FOXM1: variants seen among roughly 807,000 people sequenced by gnomAD.
FOXM1 encodes forkhead box protein M1.
A neutral mutation model predicts 63.6 loss-of-function variants in FOXM1; 25 were observed. The ratio of observed to expected loss-of-function variants is 0.39; its 90% CI spans 0.29 to 0.55. FOXM1 has a LOEUF of 0.55. Ranked by LOEUF, FOXM1 falls within the 20% of genes least tolerant of loss-of-function variation. FOXM1 has a pLI of 0.60. For synonymous variants in FOXM1, 387 were observed against 376.9 expected (o/e 1.03, Z -0.31); for missense variants, 879 against 958.7 (o/e 0.92, Z 1.10).
At position 2,864,360 on chromosome 12, in the gene FOXM1, T is replaced by C. The variant is rs199742628; in HGVS notation, c.1226A>G (p.Glu409Gly). Residue 409 changes from glutamate (E) to glycine (G), a missense_variant, in exon 8 of 9, where the codon GAG (glutamate) becomes GGG (glycine). Glu to Gly is a moderately conservative substitution (Grantham distance 98, BLOSUM62 -2). Transcript: ENST00000359843. This position sits in a 1 kb window ranked among gnomAD's most constrained non-coding sequence, Gnocchi z 5.1. The stretch of plus-strand genomic sequence containing the variant: ...GACTCGCTTGCTATGGCGGGCAAGC[T>C]CTGAGCTCATGAGGGAAGCCGCCAG... ...LPLAASLMSS[E>G]LARHSKRVRI... 3.6e-5 allele frequency: 58 copies of C among 1,613,674 alleles called. No homozygotes were observed. Among genetic ancestry groups the C allele is most frequent in the Non-Finnish European group, 4.7e-5 (55 of 1,179,782 alleles).
At position 2,874,459 on chromosome 12, in the gene FOXM1, C is replaced by T. The variant is rs761715940; in HGVS notation, c.20G>A (p.Arg7Gln). MKTSPR[R>Q]PLILKRRRLP... Reference sequence around the variant, plus strand: ...CCTCCGTCTTTTGAGAATCAGTGGCCGACGGGGGCTAGTTTTCATTATGAA... The same window carrying T: ...CCTCCGTCTTTTGAGAATCAGTGGCTGACGGGGGCTAGTTTTCATTATGAA... Residue 7 changes from arginine to glutamine, a missense_variant, in exon 2 of 9, where the codon CGG becomes CAG. Arg to Gln is a conservative substitution (Grantham distance 43). Transcript: ENST00000359843. The surrounding 1 kb of genome is among the most constrained non-coding windows in gnomAD (Gnocchi z 4.3). 1.3e-5 allele frequency: 21 copies of T among 1,609,936 alleles called. No homozygotes were observed. Among genetic ancestry groups the T allele is most frequent in the East Asian group, 2.2e-5 (1 of 44,810 alleles).
At position 2,859,458 on chromosome 12, in the gene FOXM1, G is replaced by A. The variant is rs751546437; in HGVS notation, c.1472C>T (p.Ala491Val). The A allele has an allele frequency of 6.2e-7, 1 of 1,613,912 alleles. No homozygotes were observed. Among genetic ancestry groups the A allele is most frequent in the Non-Finnish European group, 8.5e-7 (1 of 1,180,022 alleles). The change falls in exon 9 of 9, where the codon GCC (alanine) becomes GTC (valine). Residue 491 changes from alanine (A) to valine (V), a missense_variant. Coordinates refer to ENST00000359843, the MANE Select transcript of FOXM1 (RefSeq NM_021953.4). ...AGATGATTCCTCTTTGAAAGATGGG[G>A]CCGGGGAGGGCCACTCTTCCAAGGG... ...SPPLEEWPSP[A>V]PSFKEESSHS...
At chr12:2,875,323 A>G (rs555464081) in intron 1 of FOXM1, among the ~76,000 whole-genome samples, 58 of 152,210 alleles carry the variant, frequency 3.8e-4, no homozygotes, top group Admixed American at 5.9e-4. Context: ...TACTTTGTAA[A>G]TAGGACCAGT....
chr12:2,864,816 G>A lies in FOXM1; in HGVS notation c.1021-64C>T. ...AACACAATAAGGTAAAGAGGGGATG[G>A]CAAAACCCCACCAGCTGCTCTGGTG... On this transcript the variant is annotated intron_variant, in intron 6 of 8. Coordinates refer to ENST00000359843, the MANE Select transcript of FOXM1 (RefSeq NM_021953.4). This position sits in a 1 kb window ranked among gnomAD's most constrained non-coding sequence, Gnocchi z 5.1. 6.5e-7 allele frequency: 1 copy of A among 1,543,984 alleles called. No homozygotes were observed. The highest frequency in any genetic ancestry group is 9.0e-7 in the Non-Finnish European group (1 of 1,116,446).
intron 4 of FOXM1, among the ~76,000 whole-genome samples, chr12:2,867,979 CA>C (rs60064456): frequency 0.03 from 2,056 of 68,326 alleles, 26 homozygotes; most frequent in African/African-American, 0.09. Flanking sequence ...GACTCTGTCT[CA>C]AAAAAAAAAA....
Position 2,858,965 on chromosome 12 carries a change from C to T in FOXM1, c.1965G>A (p.Gly655=). ...AGGGAGTGGTGCTGAGATCCATCAGCCCCAGGGGGTCAGGCAAGGGGTCAG... is the reference window on the plus strand; with the variant it reads ...AGGGAGTGGTGCTGAGATCCATCAGTCCCAGGGGGTCAGGCAAGGGGTCAG... ...GASDPLPDPL[G]LMDLSTTPLQ... The change falls in exon 9 of 9, where the codon GGG becomes GGA. Residue 655 remains glycine, a synonymous_variant. Transcript: ENST00000359843. 6.2e-7 allele frequency: 1 copy of T among 1,613,478 alleles called. No homozygotes were observed.
intron 8 of FOXM1, among the ~76,000 whole-genome samples, chr12:2,863,209 G>A (rs1391659646): frequency 6.6e-6 from 1 of 152,120 alleles, no homozygotes; most frequent in Non-Finnish European, 1.5e-5. Flanking sequence ...CAGTGCACAG[G>A]ACAGTCCCTC....
rs1395055627 is a variant in FOXM1, at chr12:2,872,035, C to A, written c.654+61G>T. On this transcript the variant is annotated intron_variant, in intron 3 of 8. Transcript: ENST00000359843. The surrounding 1 kb of genome is among the most constrained non-coding windows in gnomAD (Gnocchi z 4.0). ...GTCCATCAGGCCACTTGATCCATTT[C>A]CCTACCTAGGAATTCCCTACACTGG... 6 of 1,576,864 alleles carry A rather than the reference C, an allele frequency of 3.8e-6. No individual in the cohort carries two copies. In the South Asian group the frequency reaches 6.6e-5, roughly 17 times the overall value.
rs913533834 is a variant in FOXM1, at chr12:2,873,331, GGAGATTGCAGTGAGCT to G, written c.502+630_502+645del. ...GGAGAATCACTTGAACCCAGAAGGTGGAGATTGCAGTGAGCTGAGATTGCACCACTGCACTACAGCT... is the reference window on the plus strand; with the variant it reads ...GGAGAATCACTTGAACCCAGAAGGTGGAGATTGCACCACTGCACTACAGCT... On this transcript the variant is annotated intron_variant, in intron 2 of 8. Transcript: ENST00000359843. Among the ~76,000 whole-genome samples the G allele has an allele frequency of 2.0e-5, 3 of 149,314 alleles. No individual in the cohort carries two copies. The Admixed American group carries it at 2.0e-4, about 10-fold the overall frequency.
At position 2,859,015 on chromosome 12, in the gene FOXM1, G is replaced by C. The variant is rs139471742; in HGVS notation, c.1915C>G (p.Pro639Ala). The stretch of plus-strand genomic sequence containing the variant: ...GAGGCACCCTGGGAGGTTTGTACTG[G>C]GCTGAAATCCAGTCCCCCTACTTTG... ...PAKVGGLDFS[P>A]VQTSQGASDP... is the part of the protein sequence containing the mutation. The change falls in exon 9 of 9, where the codon CCA becomes GCA. Residue 639 changes from proline (P) to alanine (A), a missense_variant. Transcript: ENST00000359843. The C allele has an allele frequency of 2.5e-6, 4 of 1,612,250 alleles. No individual in the cohort carries two copies. The East Asian group carries it at 8.9e-5, about 36-fold the overall frequency.
At position 2,876,943 on chromosome 12, in the gene FOXM1, C is replaced by G. The variant is rs1426626189; in HGVS notation, c.-71G>C. 1 of 152,258 alleles carries G rather than the reference C, an allele frequency of 6.6e-6. No homozygotes were observed. The highest frequency in any genetic ancestry group is 2.4e-5 in the African/African-American group (1 of 41,438). The allele number at this position is 152,258 out of a possible 1,614,324, so 9.4% of individuals were successfully genotyped here. A position where few individuals can be genotyped will look rare whatever the true frequency, so the allele number is the denominator to read the frequency against. On this transcript the variant is annotated 5_prime_UTR_variant, in exon 1 of 9. Coordinates refer to ENST00000359843, the MANE Select transcript of FOXM1 (RefSeq NM_021953.4). ...ACCTCCAGACTGCAGTCGCCGCCGC[C>G]GTTAGGCCGTAGCTCCGAAGGCGGG...
intron 8 of FOXM1, among the ~76,000 whole-genome samples, chr12:2,861,096 A>G (rs1224563040): frequency 6.6e-6 from 1 of 151,192 alleles, no homozygotes; most frequent in African/African-American, 2.4e-5. Flanking sequence ...TGAACCCAGG[A>G]GGCAGAGTCT....
intron 8 of FOXM1, among the ~76,000 whole-genome samples, chr12:2,860,365 G>GTTCCA (rs1464541798): frequency 1.3e-5 from 2 of 150,448 alleles, no homozygotes; most frequent in Admixed American, 1.3e-4. Flanking sequence ...TGCACCTGTA[G>GTTCCA]TTCCAGCTAC....
In FOXM1 at chr12:2,872,303, T is replaced by C. The variant is rs1037614136; in HGVS notation, c.503-56A>G. On this transcript the variant is annotated intron_variant, in intron 2 of 8. Transcript: ENST00000359843. This position sits in a 1 kb window ranked among gnomAD's most constrained non-coding sequence, Gnocchi z 4.0. ...AGCTGCCTCATCAGATGCCCAGGTG[T>C]GTCCATCAGAATTGGTGGCTAGCAG... The C allele has an allele frequency of 6.3e-7, 1 of 1,596,184 alleles. No individual in the cohort carries two copies. Among genetic ancestry groups the C allele is most frequent in the Non-Finnish European group, 8.6e-7 (1 of 1,166,570 alleles).
intron 3 of FOXM1, among the ~76,000 whole-genome samples, chr12:2,870,820 G>C (rs796566917): frequency 6.6e-6 from 1 of 151,932 alleles, no homozygotes; most frequent in Non-Finnish European, 1.5e-5. Context: ...TTAGCCGGGC[G>C]TGGCAGCGGG....
At chr12:2,859,825 T>C in intron 8 of FOXM1, 162 bp from the exon 9 acceptor site, 1 of 609,168 alleles carries the variant, frequency 1.6e-6, no homozygotes, top group Admixed American at 3.0e-5. Context: ...ATTCTGGGGG[T>C]AAAAGATGCG....
At position 2,866,313 on chromosome 12, in the gene FOXM1, C is replaced by G; in HGVS notation, c.975+80G>C. 2.2e-6 allele frequency: 3 copies of G among 1,341,486 alleles called. No homozygotes were observed. In the South Asian group the frequency reaches 5.9e-5, roughly 27 times the overall value. 83.1% of individuals were successfully genotyped at this position (1,341,486 alleles called of 1,614,324 possible). A position where few individuals can be genotyped will look rare whatever the true frequency, so the allele number is the denominator to read the frequency against. On this transcript the variant is annotated intron_variant, in intron 5 of 8. Coordinates refer to ENST00000359843, the MANE Select transcript of FOXM1 (RefSeq NM_021953.4). ...CTCCCCTGATCAAATGAAAGCATCACTAGCAGAACTTGTTTCCTTTTGAGA... is the reference window on the plus strand; with the variant it reads ...CTCCCCTGATCAAATGAAAGCATCAGTAGCAGAACTTGTTTCCTTTTGAGA...
intron 8 of FOXM1, among the ~76,000 whole-genome samples, chr12:2,862,209 G>T (rs184258302): frequency 2.0e-4 from 30 of 149,702 alleles, no homozygotes; most frequent in Admixed American, 2.0e-4. Flanking sequence ...GAGACATGTA[G>T]AGAAGTATGC....
At chr12:2,870,683 G>A (rs1173424597) in intron 3 of FOXM1, among the ~76,000 whole-genome samples, 2 of 151,050 alleles carry the variant, frequency 1.3e-5, no homozygotes, top group African/African-American at 2.4e-5. Flanking sequence ...AAAAGAGGCC[G>A]GGCGCAGTGG....
Sources: gnomAD v4.1 joint callset for allele counts (sites outside exome capture counted in the v4.1 genomes callset) on GRCh38, gnomAD v4.1.1 for gene constraint, Gnocchi (gnomAD v3.1) non-coding constraint, MANE v1.5 for transcripts, NCBI Gene and HGNC (gene_info 2026-07-23, HGNC 2026-07-21) for gene names.